Variants in RCAN2 observed in about 807,000 individuals in gnomAD.
RCAN2 encodes regulator of calcineurin 2.
RCAN2 carries 9 observed loss-of-function variants against 23.6 expected under a neutral mutation model. That is an observed-to-expected ratio of 0.38 (90% CI 0.23 to 0.67). The LOEUF (loss-of-function observed/expected upper bound fraction) is 0.67. RCAN2 is among the 30% of genes least tolerant of loss of function. The probability of loss-of-function intolerance (pLI) is 0.51; values close to 1 mark genes in which losing one functional copy is unlikely to be tolerated. For missense variants in RCAN2, 273 were observed against 302.3 expected, an observed-to-expected ratio of 0.90 and a Z score of 0.72; for synonymous variants, 109 against 115.7, an observed-to-expected ratio of 0.94 and a Z score of 0.37.
rs573560182 is a variant in RCAN2 at position 46,405,720 on chromosome 6, C to T, written c.225+51032G>A. On this transcript the variant is annotated intron_variant, in intron 2 of 4. Transcript: ENST00000371374. Reference sequence around the variant, plus strand: ...TGGCTTCACCTAGTAGATCTCGCACCGGGGCTGCAGGTGGAGCTGCCTGCC... The same window carrying T: ...TGGCTTCACCTAGTAGATCTCGCACTGGGGCTGCAGGTGGAGCTGCCTGCC... 9.2e-5 allele frequency among the ~76,000 whole-genome samples: 14 copies of T among 152,292 alleles called. No homozygotes were observed. In the East Asian group the frequency reaches 1.9e-3, roughly 21 times the overall value.
intron 1 of RCAN2, among the ~76,000 whole-genome samples, chr6:46,479,744 G>C (rs909650809): frequency 6.6e-6 from 1 of 152,026 alleles, no homozygotes; most frequent in Admixed American, 6.5e-5. Flanking sequence ...CTCCATGCCT[G>C]GCTAATTTTT....
intron 1 of RCAN2, among the ~76,000 whole-genome samples, chr6:46,470,367 A>C (rs1476731278): frequency 6.6e-6 from 1 of 152,202 alleles, no homozygotes; most frequent in Non-Finnish European, 1.5e-5. Flanking sequence ...AAAACTGGAT[A>C]AACAGCCAAC....
intron 1 of RCAN2, among the ~76,000 whole-genome samples, chr6:46,467,874 CA>C (rs1768440391): frequency 6.6e-6 from 1 of 152,176 alleles, no homozygotes; most frequent in South Asian, 2.1e-4. Flanking sequence ...TGAAGTCAGA[CA>C]GACTCAGACT....
At chr6:46,236,417 G>T (rs534003321) in intron 4 of RCAN2, among the ~76,000 whole-genome samples, 3 of 147,990 alleles carry the variant, frequency 2.0e-5, no homozygotes, top group African/African-American at 7.5e-5. Flanking sequence ...TTATGTTGCC[G>T]TTTTAATGAG....
At chr6:46,242,650 A>T in intron 4 of RCAN2, among the ~76,000 whole-genome samples, 1 of 152,214 alleles carries the variant, frequency 6.6e-6, no homozygotes, top group East Asian at 1.9e-4. Flanking sequence ...ATTCTTTAAC[A>T]TGCAATTAGT....
At chr6:46,383,187 G>GTA (rs2150394417) in intron 2 of RCAN2, among the ~76,000 whole-genome samples, 1 of 151,594 alleles carries the variant, frequency 6.6e-6, no homozygotes, top group South Asian at 2.1e-4. Context: ...GTGTGTGTGT[G>GTA]TGTGTGTGTG....
intron 2 of RCAN2, among the ~76,000 whole-genome samples, chr6:46,317,697 C>T (rs1763483971): frequency 6.6e-6 from 1 of 152,132 alleles, no homozygotes; most frequent in African/African-American, 2.4e-5. Context: ...GATCTCCTGA[C>T]CTTCTGATCT....
intron 2 of RCAN2, among the ~76,000 whole-genome samples, chr6:46,311,305 G>T (rs1763252573): frequency 6.6e-6 from 1 of 152,078 alleles, no homozygotes; most frequent in Non-Finnish European, 1.5e-5. Context: ...CATCTAAAAG[G>T]GTTGGGAAAG....
At chr6:46,252,364 G>T (rs563425188) in intron 2 of RCAN2, among the ~76,000 whole-genome samples, 15 of 152,264 alleles carry the variant, frequency 9.9e-5, no homozygotes, top group Middle Eastern at 6.8e-3. Flanking sequence ...CAGTTGTGTT[G>T]CCCAACAAAT....
At chr6:46,411,193 G>A (rs1490339642) in intron 2 of RCAN2, among the ~76,000 whole-genome samples, 1 of 152,194 alleles carries the variant, frequency 6.6e-6, no homozygotes, top group Non-Finnish European at 1.5e-5. Context: ...AGCCTTAAGA[G>A]GAAGGAAAAT....
intron 2 of RCAN2, among the ~76,000 whole-genome samples, chr6:46,324,714 T>C (rs978567179): frequency 6.6e-6 from 1 of 152,248 alleles, no homozygotes; most frequent in Non-Finnish European, 1.5e-5. Context: ...CGATTACCTA[T>C]GACAAGTCAA....
rs779353280 is a variant in RCAN2 at position 46,450,210 on chromosome 6, T to C, written c.225+6542A>G. Reference sequence around the variant, plus strand: ...GTAAGTGTATTAAAAAGTACTCAACTATGCTAATGATCAGGGAAATGCAAA... The same window carrying C: ...GTAAGTGTATTAAAAAGTACTCAACCATGCTAATGATCAGGGAAATGCAAA... On this transcript the variant is annotated intron_variant, in intron 2 of 4. Transcript: ENST00000371374. 6.5e-4 allele frequency among the ~76,000 whole-genome samples: 99 copies of C among 152,038 alleles called. No homozygotes were observed. The Middle Eastern group carries it at 0.01, about 16-fold the overall frequency.
intron 2 of RCAN2, among the ~76,000 whole-genome samples, chr6:46,298,377 G>A (rs1231946232): frequency 6.6e-6 from 1 of 152,022 alleles, no homozygotes; most frequent in Non-Finnish European, 1.5e-5. Context: ...TGGGCTGGGG[G>A]TAGTGGTGAG....
chr6:46,466,031 A>G (rs556953755), intron 1 of RCAN2, among the ~76,000 whole-genome samples: 1 of 152,294 alleles, frequency 6.6e-6, no homozygotes, highest in African/African-American at 2.4e-5. Context: ...GTGGCTCTGT[A>G]TATAGTAGAG....
intron 2 of RCAN2, among the ~76,000 whole-genome samples, chr6:46,448,671 A>G (rs1389080924): frequency 6.6e-6 from 1 of 151,962 alleles, no homozygotes; most frequent in Non-Finnish European, 1.5e-5. Flanking sequence ...AGAATAATTC[A>G]AGAAATGCAA....
chr6:46,269,134 C>T (rs552950996), intron 2 of RCAN2, among the ~76,000 whole-genome samples: 1 of 152,312 alleles, frequency 6.6e-6, no homozygotes, highest in East Asian at 1.9e-4. Context: ...ATTTCTTCCT[C>T]TCCATTGCTT....
At chr6:46,324,604 T>C (rs1015049957) in intron 2 of RCAN2, among the ~76,000 whole-genome samples, 1 of 152,168 alleles carries the variant, frequency 6.6e-6, no homozygotes, top group African/African-American at 2.4e-5. Flanking sequence ...TTCTATTAAA[T>C]ATGAGAGAAA....
At chr6:46,469,909 C>T (rs1173231169) in intron 1 of RCAN2, among the ~76,000 whole-genome samples, 2 of 152,088 alleles carry the variant, frequency 1.3e-5, no homozygotes, top group African/African-American at 2.4e-5. Context: ...GAATTCCTCC[C>T]TTGTGGAGGA....
chr6:46,226,667 A>C (rs1376088465), intron 4 of RCAN2, among the ~76,000 whole-genome samples: 2 of 152,230 alleles, frequency 1.3e-5, no homozygotes, highest in Admixed American at 1.3e-4. Context: ...GTTGCTTATC[A>C]GCTTAAGGGG....
Sources: gnomAD v4.1 joint callset for allele counts (sites outside exome capture counted in the v4.1 genomes callset) on GRCh38, gnomAD v4.1.1 for gene constraint, MANE v1.5 for transcripts, NCBI Gene and HGNC (gene_info 2026-07-23, HGNC 2026-07-21) for gene names.